Variants in TRPS1 observed in about 807,000 individuals in gnomAD.
TRPS1 encodes the protein zinc finger transcription factor Trps1.
Under a neutral mutation model 101.2 loss-of-function variants are expected in TRPS1, and 6 were observed. That is an observed-to-expected ratio of 0.06 (90% CI 0.03 to 0.12). TRPS1 has a LOEUF of 0.12. TRPS1 is among the 10% of genes least tolerant of loss of function. The pLI is 1.00. For missense variants in TRPS1, 1,363 were observed against 1,567.0 expected (o/e 0.87, Z 2.20); for synonymous variants, 578 against 589.8 (o/e 0.98, Z 0.29).
intron 5 of TRPS1, among the ~76,000 whole-genome samples, chr8:115,522,956 C>T (rs1365244669): frequency 6.6e-6 from 1 of 151,986 alleles, no homozygotes; most frequent in Non-Finnish European, 1.5e-5. Flanking sequence ...ATGTTACTTC[C>T]ATGTTGATTT....
At chr8:115,511,945 T>C (rs1332258166) in intron 5 of TRPS1, among the ~76,000 whole-genome samples, 1 of 151,780 alleles carries the variant, frequency 6.6e-6, no homozygotes, top group Non-Finnish European at 1.5e-5. Flanking sequence ...GATAAACCAA[T>C]GTAACATATC....
chr8:115,519,008 T>C (rs182339084), intron 5 of TRPS1, among the ~76,000 whole-genome samples: 17 of 151,926 alleles, frequency 1.1e-4, no homozygotes, highest in African/African-American at 3.6e-4. Flanking sequence ...CTTTAATATA[T>C]GTGCAGTAGT....
intron 2 of TRPS1, among the ~76,000 whole-genome samples, chr8:115,621,420 T>C (rs972502041): frequency 6.6e-5 from 10 of 152,226 alleles, no homozygotes; most frequent in Admixed American, 6.5e-4. Context: ...TTTAGTCATT[T>C]TCATCTATAA....
chr8:115,454,920 G>C (rs1004606460), intron 5 of TRPS1, among the ~76,000 whole-genome samples: 1 of 152,074 alleles, frequency 6.6e-6, no homozygotes, highest in African/African-American at 2.4e-5. Flanking sequence ...TGAGGTCTCT[G>C]TAAGCCTTAG....
In TRPS1 at chr8:115,414,842, T is replaced by G; in HGVS notation, c.3066A>C (p.Ser1022=). Residue 1022 remains serine, a synonymous_variant, in exon 7 of 7, where the codon TCA becomes TCC. Coordinates refer to ENST00000395715, the MANE Select transcript of TRPS1 (RefSeq NM_014112.5). This position sits in a 1 kb window ranked among gnomAD's most constrained non-coding sequence, Gnocchi z 4.8. ...PSLSKYEAQG[S]LTKSHSAQQP... is the part of the protein sequence containing the mutation. Reference sequence around the variant, plus strand: ...GCTGAGCAGAATGGCTTTTAGTCAATGAACCCTGGGCTTCGTATTTACTTA... The same window carrying G: ...GCTGAGCAGAATGGCTTTTAGTCAAGGAACCCTGGGCTTCGTATTTACTTA... 1 of 1,614,036 alleles carries G rather than the reference T, an allele frequency of 6.2e-7. No individual in the cohort carries two copies. Among genetic ancestry groups the G allele is most frequent in the Non-Finnish European group, 8.5e-7 (1 of 1,179,944 alleles).
intron 5 of TRPS1, among the ~76,000 whole-genome samples, chr8:115,515,517 C>T (rs1254611970): frequency 1.8e-4 from 27 of 151,354 alleles, no homozygotes; most frequent in Non-Finnish European, 2.8e-4. Context: ...AATCAGGACA[C>T]AGTAAATCCA....
Position 115,409,261 on chromosome 8 carries a change from G to GGAAAAAAA in TRPS1, c.*4761_*4762insTTTTTTTC, listed in dbSNP as rs886062602. 39 of 102,252 alleles carry GGAAAAAAA rather than the reference G, an allele frequency of 3.8e-4. No individual in the cohort carries two copies. Among genetic ancestry groups the GGAAAAAAA allele is most frequent in the South Asian group, 1.4e-3 (4 of 2,800 alleles). 6.3% of individuals were successfully genotyped at this position (102,252 alleles called of 1,614,324 possible). A position where few individuals can be genotyped will look rare whatever the true frequency, so the allele number is the denominator to read the frequency against. On this transcript the variant is annotated 3_prime_UTR_variant, in exon 7 of 7. Transcript: ENST00000395715. ...TGATATGCTGCAGTTTATATGTTGGGAAAAAAAAAAAAAAAAAAAACAGGG... is the reference window on the plus strand; with the variant it reads ...TGATATGCTGCAGTTTATATGTTGGGGAAAAAAAAAAAAAAAAAAAAAAAAAAACAGGG...
intron 5 of TRPS1, among the ~76,000 whole-genome samples, chr8:115,465,338 T>C (rs1426935139): frequency 6.6e-6 from 1 of 152,088 alleles, no homozygotes; most frequent in Non-Finnish European, 1.5e-5. Context: ...TCCTTAAACA[T>C]ATTATTACAA....
At chr8:115,665,463 A>G (rs1369217765) in intron 1 of TRPS1, among the ~76,000 whole-genome samples, 1 of 152,166 alleles carries the variant, frequency 6.6e-6, no homozygotes, top group Non-Finnish European at 1.5e-5. Flanking sequence ...TCCCTGTTTT[A>G]AAGGTCTTCC....
intron 1 of TRPS1, among the ~76,000 whole-genome samples, chr8:115,646,558 G>A (rs1819028606): frequency 1.3e-5 from 2 of 152,128 alleles, no homozygotes; most frequent in South Asian, 4.1e-4. Context: ...CCACATTTAT[G>A]ACAACTGAAG....
intron 5 of TRPS1, among the ~76,000 whole-genome samples, chr8:115,424,476 C>A (rs1282656508): frequency 6.6e-6 from 1 of 152,200 alleles, no homozygotes; most frequent in East Asian, 1.9e-4. Flanking sequence ...GTGAGACAAA[C>A]ATGGTCTGTA....
chr8:115,499,495 G>A (rs1383394478), intron 5 of TRPS1, among the ~76,000 whole-genome samples: 1 of 151,726 alleles, frequency 6.6e-6, no homozygotes, highest in Non-Finnish European at 1.5e-5. Context: ...AGCTGGTGAA[G>A]ACAAAATCTT....
chr8:115,409,919 C>CAT lies in TRPS1; in HGVS notation c.*4103_*4104insAT, dbSNP rs1554615770. The CAT allele has an allele frequency of 2.1e-5, 3 of 143,490 alleles. No individual in the cohort carries two copies. Among genetic ancestry groups the CAT allele is most frequent in the Non-Finnish European group, 4.6e-5 (3 of 65,820 alleles). 8.9% of individuals were successfully genotyped at this position (143,490 alleles called of 1,614,324 possible). ...ACCAAAGACGACTTGATCTTTTTTT[C>CAT]TTTTTTTTTTTTTGCCATGGCTCTC... On this transcript the variant is annotated 3_prime_UTR_variant, in exon 7 of 7. Coordinates refer to ENST00000395715, the MANE Select transcript of TRPS1 (RefSeq NM_014112.5).
chr8:115,604,839 G>C lies in TRPS1; in HGVS notation c.1130C>G (p.Ala377Gly), dbSNP rs748446225. 6.2e-7 allele frequency: 1 copy of C among 1,614,080 alleles called. No individual in the cohort carries two copies. ...TGCAACCTCAGAGGAGGGGAGAGAA[G>C]CTTTTATTTTGTTTGGGTGAGTCTG... ...FLQTHPNKIK[A>G]SLPSSEVAKP... The change falls in exon 4 of 7, where the codon GCT (alanine) becomes GGT (glycine). Residue 377 changes from alanine (A) to glycine (G), a missense_variant. Transcript: ENST00000395715. This position sits in a 1 kb window ranked among gnomAD's most constrained non-coding sequence, Gnocchi z 4.1.
intron 5 of TRPS1, among the ~76,000 whole-genome samples, chr8:115,580,637 A>G (rs1056609278): frequency 3.3e-5 from 5 of 152,188 alleles, no homozygotes; most frequent in Admixed American, 2.6e-4. Context: ...CTAAAGGATA[A>G]CATTTCACAG....
intron 5 of TRPS1, among the ~76,000 whole-genome samples, chr8:115,576,924 A>G (rs1057351236): frequency 1.3e-5 from 2 of 152,210 alleles, no homozygotes; most frequent in Admixed American, 6.6e-5. Flanking sequence ...CAGACAATTT[A>G]CACTTTAAAA....
Position 115,620,006 on chromosome 8 carries a change from C to T in TRPS1, c.92G>A (p.Gly31Asp). 3 of 1,614,166 alleles carry T rather than the reference C, an allele frequency of 1.9e-6. No homozygotes were observed. Among genetic ancestry groups the T allele is most frequent in the African/African-American group, 1.3e-5 (1 of 75,056 alleles). ...TGTACCTATAGGCTCCAGGATCTGG[C>T]CCTCGCCTTCACTTGCAACGTTTCT... ...PLRNVASEGE[G>D]QILEPIGTES... The change falls in exon 3 of 7, where the codon GGC (glycine) becomes GAC (aspartate). Residue 31 changes from glycine (G) to aspartate (D), a missense_variant. Coordinates refer to ENST00000395715, the MANE Select transcript of TRPS1 (RefSeq NM_014112.5).
chr8:115,534,215 A>G (rs950807006), intron 5 of TRPS1, among the ~76,000 whole-genome samples: 1 of 151,214 alleles, frequency 6.6e-6, no homozygotes, highest in South Asian at 2.1e-4. Context: ...CTCTAACTGC[A>G]GTACCATCAC....
chr8:115,667,122 G>A (rs1260258222), intron 1 of TRPS1, among the ~76,000 whole-genome samples: 1 of 152,128 alleles, frequency 6.6e-6, no homozygotes, highest in East Asian at 1.9e-4. Context: ...AAAGATAGAG[G>A]GAAGTAAAGC....
Sources: allele counts gnomAD v4.1 joint callset (sites outside exome capture counted in the v4.1 genomes callset), GRCh38; gene constraint gnomAD v4.1.1; non-coding constraint Gnocchi (gnomAD v3.1); transcripts MANE v1.5; gene names NCBI Gene and HGNC (gene_info 2026-07-23, HGNC 2026-07-21).